DLD: variants seen among roughly 807,000 people sequenced by gnomAD.
DLD encodes the protein dihydrolipoamide dehydrogenase.
Under a neutral mutation model 62.2 loss-of-function variants are expected in DLD, and 36 were observed. The ratio of observed to expected loss-of-function variants is 0.58; its 90% CI spans 0.44 to 0.76. DLD has a LOEUF of 0.76. DLD is among the 30% of genes least tolerant of loss of function. DLD has a pLI of 0.00. For synonymous variants in DLD, 204 were observed against 199.6 expected (o/e 1.02, Z -0.19); for missense variants, 541 against 608.6 (o/e 0.89, Z 1.17).
intron 2 of DLD, among the ~76,000 whole-genome samples, chr7:107,894,793 C>G (rs2031676509): frequency 6.6e-6 from 1 of 152,178 alleles, no homozygotes; most frequent in African/African-American, 2.4e-5. Context: ...TCATAAATCA[C>G]TTAGTACCCA....
chr7:107,901,732 T>G lies in DLD; in HGVS notation c.119-6T>G. On this transcript the variant is annotated splice_polypyrimidine_tract_variant and splice_region_variant and intron_variant, in intron 2 of 13. Transcript: ENST00000205402. ...ACTATTTTATATCAATTTGCTTTTA[T>G]CGTAGTTGATGCTGATGTAACAGTT... 6.2e-7 allele frequency: 1 copy of G among 1,612,454 alleles called. No individual in the cohort carries two copies. Among genetic ancestry groups the G allele is most frequent in the South Asian group, 1.1e-5 (1 of 91,068 alleles).
Position 107,908,108 on chromosome 7 carries a change from T to TC in DLD, c.684+1744dup, listed in dbSNP as rs537220101. Among the ~76,000 whole-genome samples, 270 of 152,256 alleles carry TC rather than the reference T, an allele frequency of 1.8e-3. 1 individual carries two copies. Among genetic ancestry groups the TC allele is most frequent in the Non-Finnish European group, 3.4e-3 (230 of 68,006 alleles). Reference sequence around the variant, plus strand: ...GCTGAATTCTCCATATTATGCAAGTTCCCCTTTCTTAGGCTTCCCTTTAAT... The same window carrying TC: ...GCTGAATTCTCCATATTATGCAAGTTCCCCCTTTCTTAGGCTTCCCTTTAAT... On this transcript the variant is annotated intron_variant, in intron 8 of 13. Transcript: ENST00000205402.
intron 5 of DLD, 34 bp downstream of exon 5, chr7:107,903,581 A>G (rs1429599575): frequency 2.6e-5 from 34 of 1,314,468 alleles, no homozygotes; most frequent in Non-Finnish European, 3.4e-5. Context: ...TGATATTACC[A>G]GACTGCTTGA....
chr7:107,908,637 A>G (rs955557158), intron 8 of DLD, among the ~76,000 whole-genome samples: 1 of 150,992 alleles, frequency 6.6e-6, no homozygotes, highest in African/African-American at 2.4e-5. Flanking sequence ...AGTGCACTCC[A>G]TCCTGGGCAA....
chr7:107,891,472 C>T (rs1584453723), intron 1 of DLD, 183 bp downstream of exon 1: 1 of 692,518 alleles, frequency 1.4e-6, no homozygotes, highest in East Asian at 2.7e-5. Flanking sequence ...GCTCATCCTG[C>T]AGCAGGCGAG....
intron 8 of DLD, among the ~76,000 whole-genome samples, chr7:107,907,197 C>G (rs190692595): frequency 1.3e-5 from 2 of 152,282 alleles, no homozygotes; most frequent in Admixed American, 1.3e-4. Flanking sequence ...TGGCAAAACT[C>G]TAGTTCGGTT....
chr7:107,915,012 C>T (rs1003435449), intron 8 of DLD, among the ~76,000 whole-genome samples: 4 of 152,208 alleles, frequency 2.6e-5, no homozygotes, highest in Non-Finnish European at 5.9e-5. Flanking sequence ...GAGCAACACT[C>T]TTGCCCCAGT....
At chr7:107,891,879 C>T (rs2031587699) in intron 1 of DLD, among the ~76,000 whole-genome samples, 1 of 152,184 alleles carries the variant, frequency 6.6e-6, no homozygotes, top group South Asian at 2.1e-4. Flanking sequence ...AGCAGGTTAT[C>T]AGAACAACTC....
chr7:107,903,092 A>G (rs1406625378), intron 4 of DLD, among the ~76,000 whole-genome samples: 1 of 152,158 alleles, frequency 6.6e-6, no homozygotes, highest in East Asian at 1.9e-4. Context: ...CATTTTTGTG[A>G]TGAGAACATT....
chr7:107,917,343 T>G lies in DLD; in HGVS notation c.1117T>G (p.Cys373Gly), dbSNP rs1449822924. Reference sequence around the variant, plus strand: ...CAAAGCAGAGGATGAAGGCATTATCTGTGTTGAAGGAATGGCTGGTGGTGC... The same window carrying G: ...CAAAGCAGAGGATGAAGGCATTATCGGTGTTGAAGGAATGGCTGGTGGTGC... ...AHKAEDEGII[C>G]VEGMAGGAVH... The change falls in exon 11 of 14, where the codon TGT (cysteine) becomes GGT (glycine). Residue 373 changes from cysteine (C) to glycine (G), a missense_variant. Cys to Gly is a radical substitution (Grantham distance 159). Coordinates refer to ENST00000205402, the MANE Select transcript of DLD (RefSeq NM_000108.5). 6.2e-7 allele frequency: 1 copy of G among 1,614,182 alleles called. No homozygotes were observed. Among genetic ancestry groups the G allele is most frequent in the Non-Finnish European group, 8.5e-7 (1 of 1,180,024 alleles).
At chr7:107,908,175 G>C (rs1193516700) in intron 8 of DLD, among the ~76,000 whole-genome samples, 1 of 137,332 alleles carries the variant, frequency 7.3e-6, no homozygotes, top group Non-Finnish European at 1.5e-5. Flanking sequence ...TTTTGAGTCC[G>C]AGTCTTGCTG....
Position 107,917,991 on chromosome 7 carries a change from C to G in DLD, c.1304C>G (p.Thr435Arg). ...AGCAGAGCTAAGACAAATGCTGACA[C>G]AGATGGCATGGTGAAGATCCTTGGG... ...ANSRAKTNAD[T>R]DGMVKILGQK... Residue 435 changes from threonine (T) to arginine (R), a missense_variant, in exon 12 of 14, where the codon ACA becomes AGA. Thr to Arg is a moderately conservative substitution (Grantham distance 71, BLOSUM62 -1). Coordinates refer to ENST00000205402, the MANE Select transcript of DLD (RefSeq NM_000108.5). 6.2e-7 allele frequency: 1 copy of G among 1,614,080 alleles called. No homozygotes were observed. Among genetic ancestry groups the G allele is most frequent in the Non-Finnish European group, 8.5e-7 (1 of 1,179,966 alleles).
chr7:107,910,429 A>G (rs2032112246), intron 8 of DLD, among the ~76,000 whole-genome samples: 5 of 152,256 alleles, frequency 3.3e-5, no homozygotes, highest in Admixed American at 2.6e-4. Context: ...TAGTTTTTAC[A>G]TGTCTTTTTA....
chr7:107,908,773 G>A (rs892218222), intron 8 of DLD, among the ~76,000 whole-genome samples: 2 of 151,774 alleles, frequency 1.3e-5, no homozygotes, highest in African/African-American at 4.8e-5. Context: ...TGAGTCCTTA[G>A]TATAATATAT....
At chr7:107,905,235 GTA>G (rs2031975417) in intron 6 of DLD, 124 bp from the exon 7 acceptor site, 1 of 1,110,040 alleles carries the variant, frequency 9.0e-7, no homozygotes, top group African/African-American at 1.6e-5. Context: ...GCACCATGGT[GTA>G]GCATTACTAA....
chr7:107,899,656 AATAT>A (rs1584460685), intron 2 of DLD, among the ~76,000 whole-genome samples: 1 of 152,052 alleles, frequency 6.6e-6, no homozygotes, highest in South Asian at 2.1e-4. Flanking sequence ...ATATGTTATA[AATAT>A]ATATGCTCAT....
intron 6 of DLD, 124 bp from the exon 7 acceptor site, chr7:107,905,237 A>C: frequency 9.0e-7 from 1 of 1,112,904 alleles, no homozygotes; most frequent in Non-Finnish European, 1.3e-6. Context: ...ACCATGGTGT[A>C]GCATTACTAA....
At chr7:107,901,894 A>G (rs1015708714) in intron 3 of DLD, 77 bp downstream of exon 3, 4 of 1,189,332 alleles carry the variant, frequency 3.4e-6, no homozygotes, top group Non-Finnish European at 5.0e-6. Flanking sequence ...AGTACTTTGC[A>G]GGCAAAAACA....
intron 2 of DLD, 177 bp downstream of exon 2, chr7:107,893,455 G>GT: frequency 2.2e-6 from 1 of 460,114 alleles, no homozygotes; most frequent in African/African-American, 2.0e-5. Flanking sequence ...GGTGAACAAG[G>GT]TAAAAAAACC....
Sources: gnomAD v4.1 joint callset for allele counts (sites outside exome capture counted in the v4.1 genomes callset) on GRCh38, gnomAD v4.1.1 for gene constraint, MANE v1.5 for transcripts, NCBI Gene and HGNC (gene_info 2026-07-23, HGNC 2026-07-21) for gene names.